Variants in RBM14 observed in about 807,000 individuals in gnomAD.
RBM14 encodes the protein RNA binding motif protein 14.
In RBM14, 5 loss-of-function variants were observed where a neutral mutation model predicts 52.8. The observed-to-expected ratio is 0.09, with a 90% CI of 0.05 to 0.20. The LOEUF is 0.20. Among genes scored for constraint, RBM14 ranks in the 10% least tolerant of loss-of-function variants. The pLI is 1.00. For missense variants in RBM14, 780 were observed against 926.6 expected (o/e 0.84, Z 2.05); for synonymous variants, 411 against 401.8 (o/e 1.02, Z -0.28).
intron 1 of RBM14, 59 bp downstream of exon 1, chr11:66,617,116 A>C (rs1858873120): frequency 6.5e-7 from 1 of 1,526,846 alleles, no homozygotes; most frequent in Non-Finnish European, 8.8e-7. Flanking sequence ...CCTGTTAGCC[A>C]CGCCCCTTAC....
At chr11:66,621,441 G>A (rs1464191980) in intron 1 of RBM14, among the ~76,000 whole-genome samples, 1 of 151,682 alleles carries the variant, frequency 6.6e-6, no homozygotes, top group African/African-American at 2.4e-5. Flanking sequence ...ACAGTGGCAC[G>A]ATCTTGGCTC....
chr11:66,624,160 A>G lies in RBM14; in HGVS notation c.338-54A>G. 2 of 1,541,734 alleles carry G rather than the reference A, an allele frequency of 1.3e-6. No individual in the cohort carries two copies. Among genetic ancestry groups the G allele is most frequent in the Non-Finnish European group, 1.8e-6 (2 of 1,142,642 alleles). On this transcript the variant is annotated intron_variant, in intron 1 of 2. Transcript: ENST00000310137. This position sits in a 1 kb window ranked among gnomAD's most constrained non-coding sequence, Gnocchi z 4.7. ...TTGTGTGTCCAATTTGGGACCCATC[A>G]GGTAGCATGCCCTGCCCCCCTAATT...
intron 2 of RBM14, 130 bp from the exon 3 acceptor site, chr11:66,626,331 A>G (rs1937803120): frequency 3.2e-6 from 3 of 939,754 alleles, no homozygotes; most frequent in Non-Finnish European, 4.8e-6. Context: ...GCCTTCTGAC[A>G]AAAGGAGACC....
In RBM14 at chr11:66,624,929, G is replaced by A. The variant is rs760470509; in HGVS notation, c.1053G>A (p.Gln351=). Residue 351 remains glutamine (Q), a synonymous_variant, in exon 2 of 3, where the codon CAG becomes CAA. Transcript: ENST00000310137. This position sits in a 1 kb window ranked among gnomAD's most constrained non-coding sequence, Gnocchi z 4.7. ...ACCAGCCATCCTCTTACGGCGCCCA[G>A]GCTGCCTCTTCCTATGGGGTTCGTG... is the stretch of plus-strand genomic sequence containing the variant. ...YGNQPSSYGA[Q]AASSYGVRAA... 3 of 1,613,772 alleles carry A rather than the reference G, an allele frequency of 1.9e-6. No homozygotes were observed. Among genetic ancestry groups the A allele is most frequent in the South Asian group, 2.2e-5 (2 of 91,068 alleles).
chr11:66,617,669 C>T (rs900194138), intron 1 of RBM14: 4 of 648,676 alleles, frequency 6.2e-6, no homozygotes, highest in Non-Finnish European at 7.7e-6. Context: ...TCACTTTGGC[C>T]TTTCAATATT....
In RBM14 at chr11:66,617,038, C is replaced by A; in HGVS notation, c.318C>A (p.Ile106=). Residue 106 remains isoleucine, a synonymous_variant, in exon 1 of 3, where the codon ATC becomes ATA. Transcript: ENST00000310137. ...TCTTCGAGCGCCGCGGACGCGTCAT[C>A]GAGTGTGACGTGGTGAAAGGTAACG... The part of the protein sequence containing the change: ...RSLFERRGRV[I]ECDVVKDYAF... 1.9e-6 allele frequency: 3 copies of A among 1,594,892 alleles called. No homozygotes were observed. Among genetic ancestry groups the A allele is most frequent in the Non-Finnish European group, 2.6e-6 (3 of 1,168,232 alleles).
chr11:66,616,792 C>A lies in RBM14; in HGVS notation c.72C>A (p.Pro24=). ...AGGAGCTGGCAGCCCTCTTTGCGCCCTACGGCACGGTCATGAGCTGCGCCG... is the reference window on the plus strand; with the variant it reads ...AGGAGCTGGCAGCCCTCTTTGCGCCATACGGCACGGTCATGAGCTGCGCCG... The part of the protein sequence containing the change: ...TPEELAALFA[P]YGTVMSCAVM... The change falls in exon 1 of 3, where the codon CCC becomes CCA. Residue 24 remains proline, a synonymous_variant. Coordinates refer to ENST00000310137, the MANE Select transcript of RBM14 (RefSeq NM_006328.4). 1.9e-6 allele frequency: 3 copies of A among 1,610,076 alleles called. No homozygotes were observed. The highest frequency in any genetic ancestry group is 2.5e-6 in the Non-Finnish European group (3 of 1,177,606).
Position 66,629,610 on chromosome 11 carries a change from G to C in RBM14, c.*2942G>C, listed in dbSNP as rs1445841924. ...GATGGATGAGGTCATCATGAAAACA[G>C]ATTTACTGGATTTATGGACCTAGTA... On this transcript the variant is annotated 3_prime_UTR_variant, in exon 3 of 3. Transcript: ENST00000310137. Among the ~76,000 whole-genome samples, 1 of 152,194 alleles carries C rather than the reference G, an allele frequency of 6.6e-6. No homozygotes were observed. The highest frequency in any genetic ancestry group is 2.1e-4 in the South Asian group (1 of 4,830).
chr11:66,625,336 G>A lies in RBM14; in HGVS notation c.1460G>A (p.Gly487Glu). Residue 487 changes from glycine (G) to glutamate (E), a missense_variant, in exon 2 of 3, where the codon GGG becomes GAG. This residue lies in a region of RBM14 where 675 missense variants were observed against 697.3 expected (regional missense o/e 0.97). Transcript: ENST00000310137. The surrounding 1 kb of genome is among the most constrained non-coding windows in gnomAD (Gnocchi z 4.2). ...QASMGLSGSY[G>E]AQSAAAATGS... is the part of the protein sequence containing the mutation. ...TCAATGGGCCTTTCAGGCTCCTATG[G>A]GGCTCAGTCGGCTGCTGCGGCCACT... 6.2e-7 allele frequency: 1 copy of A among 1,608,494 alleles called. No individual in the cohort carries two copies. The highest frequency in any genetic ancestry group is 8.5e-7 in the Non-Finnish European group (1 of 1,178,162).
rs147097349 is a variant in RBM14, at chr11:66,625,027, A to G, written c.1151A>G (p.Tyr384Cys). 80 of 1,612,968 alleles carry G rather than the reference A, an allele frequency of 5.0e-5. No individual in the cohort carries two copies. The highest frequency in any genetic ancestry group is 6.3e-5 in the Non-Finnish European group (74 of 1,179,718). ...TCCTACGGGGCTCAGGCAGCCTCCT[A>G]TGGGGCCCAGTCTGCAGCCTCCTCA... The part of the protein sequence containing the change: ...LGSYGAQAAS[Y>C]GAQSAASSLA... The change falls in exon 2 of 3, where the codon TAT becomes TGT. Residue 384 changes from tyrosine to cysteine, a missense_variant. This residue lies in a region of RBM14 where 675 missense variants were observed against 697.3 expected (regional missense o/e 0.97). Transcript: ENST00000310137. The surrounding 1 kb of genome is among the most constrained non-coding windows in gnomAD (Gnocchi z 4.2).
At position 66,625,829 on chromosome 11, in the gene RBM14, CTA is replaced by C. The variant is rs1289390022; in HGVS notation, c.1802+153_1802+154del. On this transcript the variant is annotated intron_variant, in intron 2 of 2. Transcript: ENST00000310137. The surrounding 1 kb of genome is among the most constrained non-coding windows in gnomAD (Gnocchi z 4.2). ...GTCCAGAGGCCGAGGGGAGCAGTGT[CTA>C]TGAACTTTCCTGGTCACCAGGGTTC... The C allele has an allele frequency of 4.6e-6, 3 of 655,190 alleles. No homozygotes were observed. The highest frequency in any genetic ancestry group is 3.6e-4 in the Middle Eastern group (1 of 2,810). 40.6% of individuals were successfully genotyped at this position (655,190 alleles called of 1,614,324 possible).
chr11:66,618,453 C>G, intron 1 of RBM14: 1 of 716,992 alleles, frequency 1.4e-6, no homozygotes, highest in South Asian at 1.5e-5. Context: ...AGGAACAAGT[C>G]CTTGTTCTGC....
rs577325864 is a variant in RBM14, at chr11:66,625,780, T to C, written c.1802+102T>C. The C allele has an allele frequency of 3.3e-5, 26 of 788,124 alleles. No homozygotes were observed. The highest frequency in any genetic ancestry group is 5.1e-5 in the Non-Finnish European group (26 of 514,458). 48.8% of individuals were successfully genotyped at this position (788,124 alleles called of 1,614,324 possible). ...GGAGGCATCGGCCCCTCCCTCGGTC[T>C]TCTCTTCTCTATTTTTGTGGGATGT... On this transcript the variant is annotated intron_variant, in intron 2 of 2. Transcript: ENST00000310137. The surrounding 1 kb of genome is among the most constrained non-coding windows in gnomAD (Gnocchi z 4.2).
intron 1 of RBM14, among the ~76,000 whole-genome samples, chr11:66,623,435 T>G (rs1859211049): frequency 6.6e-6 from 1 of 152,186 alleles, no homozygotes; most frequent in South Asian, 2.1e-4. Context: ...CAGGGATAGA[T>G]TATGTAGCAA....
Position 66,616,895 on chromosome 11 carries a change from G to C in RBM14, c.175G>C (p.Glu59Gln). 6.2e-7 allele frequency: 1 copy of C among 1,611,728 alleles called. No homozygotes were observed. Among genetic ancestry groups the C allele is most frequent in the Non-Finnish European group, 8.5e-7 (1 of 1,179,134 alleles). Residue 59 changes from glutamate (E) to glutamine (Q), a missense_variant, in exon 1 of 3, where the codon GAG becomes CAG. Around this residue, in one of 4 missense-constraint regions of RBM14, gnomAD observed 71 missense variants for 119.2 expected, o/e 0.60. Transcript: ENST00000310137. ...LRAIEALHGHELRPGRALVVE... is the reference protein window; with the variant it reads ...LRAIEALHGHQLRPGRALVVE... Reference sequence around the variant, plus strand: ...CGCCATCGAAGCCCTGCACGGCCACGAGCTGCGGCCGGGGCGCGCGCTCGT... The same window carrying C: ...CGCCATCGAAGCCCTGCACGGCCACCAGCTGCGGCCGGGGCGCGCGCTCGT...
Position 66,624,800 on chromosome 11 carries a change from C to A in RBM14, c.924C>A (p.Ala308=), listed in dbSNP as rs536893364. ...AASSLGPYGG[A]QPSASALSSY... ...CTTCACTCGGCCCATATGGTGGAGC[C>A]CAGCCCTCAGCCTCGGCCCTTTCCT... The change falls in exon 2 of 3, where the codon GCC becomes GCA. Residue 308 remains alanine (A), a synonymous_variant. Transcript: ENST00000310137. The surrounding 1 kb of genome is among the most constrained non-coding windows in gnomAD (Gnocchi z 4.7). The A allele has an allele frequency of 6.2e-7, 1 of 1,614,062 alleles. No individual in the cohort carries two copies. Among genetic ancestry groups the A allele is most frequent in the Admixed American group, 1.7e-5 (1 of 60,010 alleles).
At position 66,625,761 on chromosome 11, in the gene RBM14, A is replaced by G; in HGVS notation, c.1802+83A>G. ...TTGGCATGGGAGGGAAACTGGAGGC[A>G]TCGGCCCCTCCCTCGGTCTTCTCTT... On this transcript the variant is annotated intron_variant, in intron 2 of 2. Coordinates refer to ENST00000310137, the MANE Select transcript of RBM14 (RefSeq NM_006328.4). The surrounding 1 kb of genome is among the most constrained non-coding windows in gnomAD (Gnocchi z 4.2). 1 of 1,085,110 alleles carries G rather than the reference A, an allele frequency of 9.2e-7. No homozygotes were observed. The allele number at this position is 1,085,110 out of a possible 1,614,324, so 67.2% of individuals were successfully genotyped here. A position where few individuals can be genotyped will look rare whatever the true frequency, so the allele number is the denominator to read the frequency against.
chr11:66,621,429 G>A (rs1859106734), intron 1 of RBM14, among the ~76,000 whole-genome samples: 1 of 151,844 alleles, frequency 6.6e-6, no homozygotes, highest in Non-Finnish European at 1.5e-5. Context: ...CCAGGCTGGA[G>A]TACAGTGGCA....
intron 1 of RBM14, among the ~76,000 whole-genome samples, chr11:66,621,473 G>T (rs891212807): frequency 3.9e-5 from 6 of 152,010 alleles, no homozygotes; most frequent in Admixed American, 3.3e-4. Context: ...CGCCTCCCGG[G>T]TTAAAGTGAT....
Sources: allele counts gnomAD v4.1 joint callset (sites outside exome capture counted in the v4.1 genomes callset), GRCh38; gene constraint gnomAD v4.1.1; regional missense constraint gnomAD v4.1.1; non-coding constraint Gnocchi (gnomAD v3.1); transcripts MANE v1.5; gene names NCBI Gene and HGNC (gene_info 2026-07-23, HGNC 2026-07-21).